PRKAR1A: variants seen among roughly 807,000 people sequenced by gnomAD.
The protein encoded by PRKAR1A is protein kinase cAMP-dependent type I regulatory subunit alpha.
PRKAR1A carries 3 observed loss-of-function variants against 52.0 expected under a neutral mutation model. The observed-to-expected ratio is 0.06, with a 90% confidence interval of 0.03 to 0.15. The LOEUF (loss-of-function observed/expected upper bound fraction) is 0.15, where lower values mean the gene tolerates loss of function less well. Ranked by LOEUF, PRKAR1A falls within the 10% of genes least tolerant of loss-of-function variation. The probability of loss-of-function intolerance (pLI) is 1.00; values close to 1 mark genes in which losing one functional copy is unlikely to be tolerated. For synonymous variants in PRKAR1A, 188 were observed against 168.4 expected, an observed-to-expected ratio of 1.12 and a Z score of -0.90; for missense variants, 240 against 477.4, an observed-to-expected ratio of 0.50 and a Z score of 4.63.
chr17:68,543,803 A>G, intron 11 of PRKAR1A: 1 of 1,235,946 alleles, frequency 8.1e-7, no homozygotes, highest in Non-Finnish European at 1.2e-6. Context: ...ATGACCAGCG[A>G]GAAAGGAAAA....
chr17:68,474,446 G>A, the PRKAR1A span, among the ~76,000 whole-genome samples: 3 of 152,170 alleles, frequency 2.0e-5, no homozygotes, highest in Admixed American at 6.5e-5. Context: ...GCAGTGCCCC[G>A]GGGGCCCGCT....
chr17:68,539,767 C>T, intron 11 of PRKAR1A: 1 of 921,742 alleles, frequency 1.1e-6, no homozygotes, highest in East Asian at 2.5e-5. Flanking sequence ...TCGAAGGAGA[C>T]AAGGCACGTG....
At chr17:68,492,249 G>A in the PRKAR1A span, among the ~76,000 whole-genome samples, 1 of 152,168 alleles carries the variant, frequency 6.6e-6, no homozygotes, top group African/African-American at 2.4e-5. Context: ...GGCAGTGCGG[G>A]TTCTTGGGAA....
chr17:68,452,687 T>C, the PRKAR1A span, among the ~76,000 whole-genome samples: 4 of 152,248 alleles, frequency 2.6e-5, no homozygotes, highest in African/African-American at 9.6e-5. Flanking sequence ...AATAATTTCT[T>C]CTATAAAAAG....
At chr17:68,475,900 GT>G in the PRKAR1A span, among the ~76,000 whole-genome samples, 47 of 152,136 alleles carry the variant, frequency 3.1e-4, no homozygotes, top group African/African-American at 9.4e-4. Context: ...AAAATATTAA[GT>G]TTTTTGTTAT....
At chr17:68,526,063 A>G (rs2085781593) in intron 7 of PRKAR1A, 151 bp downstream of exon 7, 7 of 1,068,140 alleles carry the variant, frequency 6.6e-6, no homozygotes, top group Non-Finnish European at 8.2e-6. Context: ...TAATGAGCAA[A>G]TACTTTGCAT....
intron 2 of PRKAR1A, among the ~76,000 whole-genome samples, chr17:68,519,987 A>G (rs1246609006): frequency 6.6e-6 from 1 of 152,116 alleles, no homozygotes; most frequent in Non-Finnish European, 1.5e-5. Context: ...GCAACATACA[A>G]CCCCCAAATT....
At chr17:68,470,077 A>G in the PRKAR1A span, among the ~76,000 whole-genome samples, 1 of 151,048 alleles carries the variant, frequency 6.6e-6, no homozygotes, top group South Asian at 2.1e-4. Context: ...GGCGAATAAC[A>G]TCTTAGATTT....
intron 11 of PRKAR1A, among the ~76,000 whole-genome samples, chr17:68,538,543 T>G (rs1158830592): frequency 6.6e-6 from 1 of 152,210 alleles, no homozygotes; most frequent in Non-Finnish European, 1.5e-5. Flanking sequence ...ACTGGAGAAG[T>G]GTGGAAGTAA....
At position 68,542,810 on chromosome 17, in the gene PRKAR1A, C is replaced by G; in HGVS notation, c.974-8274C>G. ...CGGCACCCGTCGGAAGTCCAGAATC[C>G]TGCAAGAGAGGAAGCTCTGTTCCAT... On this transcript the variant is annotated intron_variant, in intron 11 of 11. Coordinates refer to the PRKAR1A transcript ENST00000585981. 7 of 1,610,370 alleles carry G rather than the reference C, an allele frequency of 4.3e-6. No homozygotes were observed. Among genetic ancestry groups the G allele is most frequent in the Non-Finnish European group, 5.1e-6 (6 of 1,176,640 alleles).
intron 1 of PRKAR1A, among the ~76,000 whole-genome samples, chr17:68,514,405 T>C (rs1303133915): frequency 1.3e-5 from 2 of 152,202 alleles, no homozygotes; most frequent in Admixed American, 1.3e-4. Context: ...TGCTTAGTAA[T>C]TAGGAGTTGG....
intron 11 of PRKAR1A, among the ~76,000 whole-genome samples, chr17:68,544,014 C>A (rs2086433574): frequency 6.6e-6 from 1 of 152,114 alleles, no homozygotes; most frequent in Non-Finnish European, 1.5e-5. Context: ...CAAAACCCAG[C>A]AGTTGAGAGG....
intron 2 of PRKAR1A, among the ~76,000 whole-genome samples, chr17:68,518,957 A>T (rs1016273354): frequency 2.0e-5 from 3 of 152,192 alleles, no homozygotes; most frequent in African/African-American, 7.2e-5. Flanking sequence ...TTGCATAGCG[A>T]GAGTCACCTT....
At chr17:68,433,760 G>GTTTTTTTTTT in the PRKAR1A span, among the ~76,000 whole-genome samples, 17 of 72,822 alleles carry the variant, frequency 2.3e-4, 3 homozygotes, top group African/African-American at 8.5e-4. Flanking sequence ...AAGGGTCATA[G>GTTTTTTTTTT]TTTTTTTTTT....
In PRKAR1A at chr17:68,540,710, C is replaced by T. The variant is rs948534173; in HGVS notation, c.974-10374C>T. 5.5e-5 allele frequency: 61 copies of T among 1,099,540 alleles called. No homozygotes were observed. The Middle Eastern group carries it at 1.0e-3, about 19-fold the overall frequency. 68.1% of individuals were successfully genotyped at this position (1,099,540 alleles called of 1,614,324 possible). ...GTTACCTTCTGTCCTCTGGGACCTC[C>T]GCCACTTCTGAGGCTGTGGGAGGTG... On this transcript the variant is annotated intron_variant, in intron 11 of 11. Transcript: ENST00000585981.
the PRKAR1A span, among the ~76,000 whole-genome samples, chr17:68,490,444 G>A: frequency 4.6e-5 from 7 of 152,250 alleles, no homozygotes; most frequent in Admixed American, 3.9e-4. Flanking sequence ...CTTTTTCTTA[G>A]CCCTGTCCTC....
chr17:68,489,268 A>ATATATATATATATATATATATGGAAAG, the PRKAR1A span, among the ~76,000 whole-genome samples: 2 of 13,898 alleles, frequency 1.4e-4, no homozygotes, highest in Non-Finnish European at 1.1e-4. Flanking sequence ...TATGGAAAGT[A>ATATATATATATATATATATATGGAAAG]TATATATATA....
the PRKAR1A span, among the ~76,000 whole-genome samples, chr17:68,498,130 C>T: frequency 3.3e-5 from 5 of 152,250 alleles, no homozygotes; most frequent in African/African-American, 1.2e-4. Context: ...CATGCCACAC[C>T]TTTGCTAGCA....
chr17:68,468,607 A>G, the PRKAR1A span, among the ~76,000 whole-genome samples: 1 of 152,166 alleles, frequency 6.6e-6, no homozygotes, highest in African/African-American at 2.4e-5. Flanking sequence ...TTTGGTACCT[A>G]TTATGTCCAT....
Sources: gnomAD v4.1 joint callset for allele counts (sites outside exome capture counted in the v4.1 genomes callset) on GRCh38, gnomAD v4.1.1 for gene constraint, MANE v1.5 for transcripts, NCBI Gene and HGNC (gene_info 2026-07-23, HGNC 2026-07-21) for gene names.